Variants in AK9 observed in about 807,000 individuals in gnomAD.
The protein encoded by AK9 is adenylate kinase 9.
AK9 carries 191 observed loss-of-function variants against 239.6 expected under a neutral mutation model. The ratio of observed to expected loss-of-function variants is 0.80; its 90% CI spans 0.71 to 0.90. The LOEUF (loss-of-function observed/expected upper bound fraction) is 0.90, where lower values mean the gene tolerates loss of function less well. Ranked by LOEUF, AK9 falls within the 40% of genes least tolerant of loss-of-function variation. The pLI, the probability that AK9 is intolerant of heterozygous loss-of-function variation, is 0.00. For synonymous variants in AK9, 689 were observed against 721.0 expected, an observed-to-expected ratio of 0.96 and a Z score of 0.71; for missense variants, 1,995 against 2,214.7, an observed-to-expected ratio of 0.90 and a Z score of 1.99.
chr6:109,502,870 C>T (rs1777731903), intron 35 of AK9, among the ~76,000 whole-genome samples: 1 of 152,060 alleles, frequency 6.6e-6, no homozygotes, highest in Non-Finnish European at 1.5e-5. Context: ...TCAGAAAAGA[C>T]CATAGTCTTG....
At chr6:109,649,378 A>C (rs1798576065) in intron 8 of AK9, among the ~76,000 whole-genome samples, 1 of 152,106 alleles carries the variant, frequency 6.6e-6, no homozygotes, top group Non-Finnish European at 1.5e-5. Flanking sequence ...CAAGCTGATA[A>C]GCAACTTCAG....
chr6:109,625,814 T>C (rs1036323401), intron 12 of AK9, among the ~76,000 whole-genome samples: 7 of 152,348 alleles, frequency 4.6e-5, no homozygotes, highest in African/African-American at 1.4e-4. Context: ...GTATTTATCC[T>C]GTTTGGGGCT....
chr6:109,534,498 G>A (rs191169763), intron 27 of AK9, among the ~76,000 whole-genome samples: 2 of 150,296 alleles, frequency 1.3e-5, no homozygotes, highest in African/African-American at 4.8e-5. Context: ...GGACTTTCAT[G>A]AACATTTGAC....
Position 109,674,214 on chromosome 6 carries a change from T to A in AK9, c.165A>T (p.Lys55Asn). The change falls in exon 3 of 41, where the codon AAA becomes AAT. Residue 55 changes from lysine to asparagine, a missense_variant. Lys to Asn is a moderately conservative substitution (Grantham distance 94). This residue lies in a region of AK9 where 252 missense variants were observed against 246.4 expected (regional missense o/e 1.02). Transcript: ENST00000424296. ...AAAATTTACCTTCAACACGAATACA[T>A]TTCCATGCCTGTGTTATGTAACGGG... ...TLARYITQAW[K>N]CIRVEALPIL... 3 of 1,584,480 alleles carry A rather than the reference T, an allele frequency of 1.9e-6. No individual in the cohort carries two copies. Among genetic ancestry groups the A allele is most frequent in the Non-Finnish European group, 2.6e-6 (3 of 1,168,508 alleles).
At chr6:109,506,255 A>G (rs1419970815) in intron 35 of AK9, 72 bp downstream of exon 35, 1 of 1,395,980 alleles carries the variant, frequency 7.2e-7, no homozygotes, top group African/African-American at 1.4e-5. Flanking sequence ...GGAATGAATT[A>G]CAGTAACATG....
chr6:109,672,440 T>C (rs1771064346), intron 3 of AK9, among the ~76,000 whole-genome samples: 2 of 152,158 alleles, frequency 1.3e-5, no homozygotes, highest in Admixed American at 6.5e-5. Context: ...CCCAGTACTT[T>C]GGGAGTTCAA....
At chr6:109,513,861 T>C (rs1778997303) in intron 32 of AK9, among the ~76,000 whole-genome samples, 1 of 152,218 alleles carries the variant, frequency 6.6e-6, no homozygotes. Flanking sequence ...AAGGAATTCC[T>C]TAAGCAGAAC....
chr6:109,636,750 T>TCACACACA (rs57475668), intron 10 of AK9, among the ~76,000 whole-genome samples: 4,530 of 135,496 alleles, frequency 0.033, 111 homozygotes, highest in African/African-American at 0.059. Context: ...TAATATTCCA[T>TCACACACA]CACACACACA....
At chr6:109,688,802 G>C (rs1257926995) in intron 1 of AK9, among the ~76,000 whole-genome samples, 1 of 152,172 alleles carries the variant, frequency 6.6e-6, no homozygotes, top group Non-Finnish European at 1.5e-5. Context: ...AAGCTCATAA[G>C]GAGTTATTGC....
chr6:109,612,268 A>G (rs895014835), intron 15 of AK9, among the ~76,000 whole-genome samples, 175 bp from the exon 16 acceptor site: 1 of 152,238 alleles, frequency 6.6e-6, no homozygotes, highest in African/African-American at 2.4e-5. Flanking sequence ...GATAATGAAC[A>G]TAATAACAAA....
intron 8 of AK9, among the ~76,000 whole-genome samples, chr6:109,649,368 C>T (rs916761219): frequency 2.0e-5 from 3 of 151,984 alleles, no homozygotes; most frequent in African/African-American, 7.3e-5. Flanking sequence ...AAAATCTCCT[C>T]AAGCTGATAA....
chr6:109,654,566 G>C (rs1258067386), intron 8 of AK9, among the ~76,000 whole-genome samples: 1 of 151,988 alleles, frequency 6.6e-6, no homozygotes, highest in Non-Finnish European at 1.5e-5. Context: ...CCTGAGCTCA[G>C]GCAATCCACC....
rs529853466 is a variant in AK9 at position 109,509,213 on chromosome 6, G to T, written c.4447C>A (p.Leu1483Ile). ...PDELAIQALE[L>I]SLMESVCNTA... ...TTGCACACACTTTCCATCAGAGAAA[G>T]TTCTAAGGCTTGAATAGCCAGTTCA... is the stretch of plus-strand genomic sequence containing the variant. Residue 1483 changes from leucine (L) to isoleucine (I), a missense_variant, in exon 33 of 41, where the codon CTT becomes ATT. Leu to Ile is a conservative substitution (Grantham distance 5, BLOSUM62 2). Around this residue, in one of 5 missense-constraint regions of AK9, gnomAD observed 45 missense variants for 80.5 expected, o/e 0.56. Transcript: ENST00000424296. 3.7e-5 allele frequency: 57 copies of T among 1,552,138 alleles called. 1 individual carries two copies. In the Admixed American group the frequency reaches 9.4e-4, roughly 26 times the overall value.
At chr6:109,681,617 G>A (rs1051774682) in intron 1 of AK9, among the ~76,000 whole-genome samples, 1 of 152,034 alleles carries the variant, frequency 6.6e-6, no homozygotes, top group Non-Finnish European at 1.5e-5. Context: ...CTACAGAACT[G>A]TCCACCCCAA....
At chr6:109,524,483 C>T (rs1780214985) in intron 29 of AK9, among the ~76,000 whole-genome samples, 1 of 152,046 alleles carries the variant, frequency 6.6e-6, no homozygotes, top group African/African-American at 2.4e-5. Flanking sequence ...GAACTCCAAA[C>T]TAAATATGAA....
intron 19 of AK9, among the ~76,000 whole-genome samples, chr6:109,581,952 AG>A (rs1788917835): frequency 6.6e-6 from 1 of 152,144 alleles, no homozygotes; most frequent in African/African-American, 2.4e-5. Flanking sequence ...CAAAAATCCT[AG>A]GCCCCCTAAT....
intron 27 of AK9, among the ~76,000 whole-genome samples, chr6:109,537,864 C>T (rs1782250396): frequency 1.3e-5 from 2 of 151,956 alleles, no homozygotes; most frequent in Non-Finnish European, 2.9e-5. Flanking sequence ...TGTTATGTAC[C>T]CAGTAGTCAT....
intron 24 of AK9, among the ~76,000 whole-genome samples, chr6:109,553,066 G>A (rs1360239728): frequency 1.3e-5 from 2 of 152,046 alleles, no homozygotes; most frequent in South Asian, 2.1e-4. Context: ...TGGTCTATAT[G>A]TCTGTTTTGG....
intron 12 of AK9, among the ~76,000 whole-genome samples, chr6:109,624,980 T>G (rs991713493): frequency 2.0e-5 from 3 of 152,172 alleles, no homozygotes; most frequent in African/African-American, 7.2e-5. Context: ...ATTTTCTTTT[T>G]TAATGTTCTT....
Sources: gnomAD v4.1 joint callset for allele counts (sites outside exome capture counted in the v4.1 genomes callset) on GRCh38, gnomAD v4.1.1 for gene constraint, gnomAD v4.1.1 regional missense constraint, MANE v1.5 for transcripts, NCBI Gene and HGNC (gene_info 2026-07-23, HGNC 2026-07-21) for gene names.